Variants in SCAMP5 observed in about 807,000 individuals in gnomAD.
SCAMP5 encodes secretory carrier-associated membrane protein 5.
Under a neutral mutation model 28.3 loss-of-function variants are expected in SCAMP5, and 7 were observed. The ratio of observed to expected loss-of-function variants is 0.25; its 90% CI spans 0.14 to 0.46. The LOEUF (loss-of-function observed/expected upper bound fraction) is 0.46. SCAMP5 is among the 20% of genes least tolerant of loss of function. The pLI, the probability that SCAMP5 is intolerant of heterozygous loss-of-function variation, is 0.99. For synonymous variants in SCAMP5, 117 were observed against 116.4 expected (o/e 1.00, Z -0.03); for missense variants, 192 against 312.5 (o/e 0.61, Z 2.91).
intron 4 of SCAMP5, 32 bp from the exon 5 acceptor site, chr15:75,017,838 C>G: frequency 6.9e-7 from 1 of 1,447,040 alleles, no homozygotes; most frequent in Non-Finnish European, 9.7e-7. Context: ...GGCCCTCTGC[C>G]CAGGTGACGG....
intron 1 of SCAMP5, among the ~76,000 whole-genome samples, chr15:75,010,502 C>G (rs985181036): frequency 6.6e-6 from 1 of 152,202 alleles, no homozygotes; most frequent in South Asian, 2.1e-4. Context: ...CTCATTTGCA[C>G]TCTGCTTTGG....
At chr15:75,008,317 C>G (rs1278645075) in intron 1 of SCAMP5, among the ~76,000 whole-genome samples, 2 of 152,036 alleles carry the variant, frequency 1.3e-5, no homozygotes, top group East Asian at 1.9e-4. Context: ...TATTTCATTA[C>G]TTTCTGGTTG....
At chr15:74,999,220 A>C (rs772457710) in intron 1 of SCAMP5, among the ~76,000 whole-genome samples, 1 of 152,176 alleles carries the variant, frequency 6.6e-6, no homozygotes, top group Admixed American at 6.5e-5. Context: ...GGAGACCTCT[A>C]GTTCTCAGAC....
Position 75,018,450 on chromosome 15 carries a change from C to T in SCAMP5, c.428C>T (p.Thr143Met). The T allele has an allele frequency of 6.2e-6, 10 of 1,613,722 alleles. No individual in the cohort carries two copies. Among genetic ancestry groups the T allele is most frequent in the Non-Finnish European group, 7.6e-6 (9 of 1,179,676 alleles). The change falls in exon 6 of 7, where the codon ACG becomes ATG. Residue 143 changes from threonine (T) to methionine (M), a missense_variant. Transcript: ENST00000425597. This position sits in a 1 kb window ranked among gnomAD's most constrained non-coding sequence, Gnocchi z 5.6. The part of the protein sequence containing the change: ...GWIATISFFG[T>M]NIGSAVVMLI... ...ATTGCTACCATCTCCTTCTTCGGAA[C>T]GAACATTGGCTCGGCGGTGGTGATG... is the stretch of plus-strand genomic sequence containing the variant.
chr15:75,005,020 C>G (rs2065743022), intron 1 of SCAMP5, among the ~76,000 whole-genome samples: 1 of 152,084 alleles, frequency 6.6e-6, no homozygotes, highest in Admixed American at 6.6e-5. Context: ...ACTAAAAATA[C>G]AAAAATTAGC....
chr15:75,012,651 T>C, intron 2 of SCAMP5, 26 bp from the exon 3 acceptor site: 4 of 1,613,614 alleles, frequency 2.5e-6, no homozygotes, highest in Non-Finnish European at 3.4e-6. Context: ...CTGGAGGTGA[T>C]GTTGTGCAAT....
intron 3 of SCAMP5, among the ~76,000 whole-genome samples, chr15:75,013,573 A>T (rs1327763586): frequency 1.3e-5 from 2 of 152,252 alleles, no homozygotes; most frequent in East Asian, 3.9e-4. Flanking sequence ...GGTGGCTCAC[A>T]CTTGTAGTCC....
Position 74,995,604 on chromosome 15 carries a change from CCGCATCGCTCGGGTGCAGCGCAGCTCAG to C in SCAMP5, c.-113_-86del, listed in dbSNP as rs2065643769. 1 of 148,300 alleles carries C rather than the reference CCGCATCGCTCGGGTGCAGCGCAGCTCAG, an allele frequency of 6.7e-6. No individual in the cohort carries two copies. Among genetic ancestry groups the C allele is most frequent in the Admixed American group, 6.7e-5 (1 of 14,980 alleles). The allele number at this position is 148,300 out of a possible 1,614,324, so 9.2% of individuals were successfully genotyped here. On this transcript the variant is annotated 5_prime_UTR_variant, in exon 1 of 7. Coordinates refer to ENST00000425597, the MANE Select transcript of SCAMP5 (RefSeq NM_138967.4). ...GGAGCGGCTCGCGGCCGGCTCCGCG[CCGCATCGCTCGGGTGCAGCGCAGCTCAG>C]CGCAGCGCTGCGGCCTTTCGGCAGC...
intron 1 of SCAMP5, among the ~76,000 whole-genome samples, chr15:75,005,342 A>G (rs529271347): frequency 1.8e-4 from 28 of 151,514 alleles, no homozygotes; most frequent in Non-Finnish European, 3.5e-4. Flanking sequence ...CATGCCTGTA[A>G]TCCCAGCTAC....
intron 3 of SCAMP5, among the ~76,000 whole-genome samples, chr15:75,014,486 C>T (rs2065842134): frequency 6.6e-6 from 1 of 152,178 alleles, no homozygotes; most frequent in Non-Finnish European, 1.5e-5. Context: ...AACCCGGCCC[C>T]TAAGATTTCT....
At chr15:75,007,154 T>C (rs2065768222) in intron 1 of SCAMP5, among the ~76,000 whole-genome samples, 2 of 152,170 alleles carry the variant, frequency 1.3e-5, no homozygotes, top group Non-Finnish European at 2.9e-5. Flanking sequence ...GCCATATATA[T>C]TTTTAAAATT....
At position 75,018,419 on chromosome 15, in the gene SCAMP5, G is replaced by A; in HGVS notation, c.397G>A (p.Gly133Ser). Reference protein sequence around the residue: ...AVGIPGWGVCGWIATISFFGT... With the variant: ...AVGIPGWGVCSWIATISFFGT... ...CCCCACACTGGCCTCTTCCTGCAGC[G>A]GCTGGATTGCTACCATCTCCTTCTT... is the stretch of plus-strand genomic sequence containing the variant. The change falls in exon 6 of 7, where the codon GGC becomes AGC. Residue 133 changes from glycine (G) to serine (S), a missense_variant and splice_region_variant. Gly to Ser is a moderately conservative substitution (Grantham distance 56). Coordinates refer to ENST00000425597, the MANE Select transcript of SCAMP5 (RefSeq NM_138967.4). This position sits in a 1 kb window ranked among gnomAD's most constrained non-coding sequence, Gnocchi z 5.6. 1 of 1,609,694 alleles carries A rather than the reference G, an allele frequency of 6.2e-7. No homozygotes were observed. The highest frequency in any genetic ancestry group is 8.5e-7 in the Non-Finnish European group (1 of 1,175,970).
At chr15:75,010,630 A>G (rs2141443950) in intron 1 of SCAMP5, among the ~76,000 whole-genome samples, 1 of 152,254 alleles carries the variant, frequency 6.6e-6, no homozygotes, top group Middle Eastern at 3.4e-3. Flanking sequence ...TGTGCAACAC[A>G]GCAAGACCTC....
At position 75,005,981 on chromosome 15, in the gene SCAMP5, C is replaced by CTTTTTTTTTTTTTTTTT. The variant is rs527501720; in HGVS notation, c.-48-5806_-48-5790dup. Among the ~76,000 whole-genome samples the CTTTTTTTTTTTTTTTTT allele has an allele frequency of 1.9e-4, 15 of 81,020 alleles. 1 individual carries two copies. The highest frequency in any genetic ancestry group is 3.7e-4 in the African/African-American group (7 of 18,746). 53.2% of individuals were successfully genotyped at this position (81,020 alleles called of 152,430 possible). A position where few individuals can be genotyped will look rare whatever the true frequency, so the allele number is the denominator to read the frequency against. On this transcript the variant is annotated intron_variant, in intron 1 of 6. Transcript: ENST00000425597. Reference sequence around the variant, plus strand: ...CCTCAAGTGATCCGCCTCGGCCTCCCTTTTTTTTTTTTTTTTTTTTTGCTT... The same window carrying CTTTTTTTTTTTTTTTTT: ...CCTCAAGTGATCCGCCTCGGCCTCCCTTTTTTTTTTTTTTTTTTTTTTTTTTTTTTTTTTTTTTGCTT...
At chr15:75,004,502 G>A (rs2065738007) in intron 1 of SCAMP5, among the ~76,000 whole-genome samples, 1 of 152,002 alleles carries the variant, frequency 6.6e-6, no homozygotes, top group East Asian at 1.9e-4. Flanking sequence ...GGCCAAGGCG[G>A]GTGGATCTCT....
chr15:74,996,344 T>A lies in SCAMP5; in HGVS notation c.-49+671T>A, dbSNP rs1364646734. The A allele has an allele frequency of 1.3e-5, 2 of 152,358 alleles. No individual in the cohort carries two copies. The highest frequency in any genetic ancestry group is 6.5e-5 in the Admixed American group (1 of 15,276). The allele number at this position is 152,358 out of a possible 1,614,324, so 9.4% of individuals were successfully genotyped here. Reference sequence around the variant, plus strand: ...AGGTGAGGTGTTTGTGAACCGATCCTTGTCCTCCGCCTCGGGGAGCTCCTG... The same window carrying A: ...AGGTGAGGTGTTTGTGAACCGATCCATGTCCTCCGCCTCGGGGAGCTCCTG... On this transcript the variant is annotated intron_variant, in intron 1 of 6. Coordinates refer to ENST00000425597, the MANE Select transcript of SCAMP5 (RefSeq NM_138967.4). The surrounding 1 kb of genome is among the most constrained non-coding windows in gnomAD (Gnocchi z 4.1).
In SCAMP5 at chr15:75,004,353, T is replaced by C. The variant is rs1463411976; in HGVS notation, c.-48-7439T>C. ...CTTGTTTCTGCTTTATGTATATGTA[T>C]AAAATTTTTTCGCAGAACCGTTTGA... On this transcript the variant is annotated intron_variant, in intron 1 of 6. Transcript: ENST00000425597. 2.6e-5 allele frequency among the ~76,000 whole-genome samples: 4 copies of C among 152,172 alleles called. No individual in the cohort carries two copies. In the South Asian group the frequency reaches 6.2e-4, roughly 24 times the overall value.
chr15:75,010,188 C>T (rs2065798289), intron 1 of SCAMP5, among the ~76,000 whole-genome samples: 1 of 152,170 alleles, frequency 6.6e-6, no homozygotes, highest in Non-Finnish European at 1.5e-5. Context: ...GCTGAACTCC[C>T]AGGAGCAGAG....
intron 2 of SCAMP5, 89 bp from the exon 3 acceptor site, chr15:75,012,588 T>G (rs748203472): frequency 1.3e-6 from 2 of 1,510,746 alleles, no homozygotes; most frequent in Middle Eastern, 1.7e-4. Context: ...CAGGGGCCAA[T>G]GGGGCAGCAC....
Sources: gnomAD v4.1 joint callset for allele counts (sites outside exome capture counted in the v4.1 genomes callset) on GRCh38, gnomAD v4.1.1 for gene constraint, Gnocchi (gnomAD v3.1) non-coding constraint, MANE v1.5 for transcripts, NCBI Gene and HGNC (gene_info 2026-07-23, HGNC 2026-07-21) for gene names.